The following LRMDA variants were observed in gnomAD, a reference collection of about 807,000 sequenced individuals.
The protein encoded by LRMDA is leucine-rich melanocyte differentiation-associated protein.
LRMDA carries 18 observed loss-of-function variants against 29.8 expected under a neutral mutation model. The ratio of observed to expected loss-of-function variants is 0.60; its 90% CI spans 0.42 to 0.90. The LOEUF (loss-of-function observed/expected upper bound fraction) is 0.90. Ranked by LOEUF, LRMDA falls within the 40% of genes least tolerant of loss-of-function variation. The pLI is 0.00. For missense variants in LRMDA, 273 were observed against 273.9 expected (o/e 1.00, Z 0.02); for synonymous variants, 125 against 109.4 (o/e 1.14, Z -0.89).
chr10:76,157,072 A>C (rs896387919), intron 5 of LRMDA, among the ~76,000 whole-genome samples: 5 of 152,202 alleles, frequency 3.3e-5, no homozygotes, highest in African/African-American at 1.2e-4. Context: ...TGTCATGATC[A>C]AGATCTGTTA....
chr10:76,176,881 A>G (rs16932965), intron 5 of LRMDA, among the ~76,000 whole-genome samples: 6,941 of 152,292 alleles, frequency 0.046, 188 homozygotes, highest in Middle Eastern at 0.088. Flanking sequence ...TGATGGTAAG[A>G]CACTTGTATC....
intron 2 of LRMDA, among the ~76,000 whole-genome samples, chr10:75,762,599 C>G (rs533500665): frequency 1.4e-4 from 21 of 152,310 alleles, no homozygotes; most frequent in Admixed American, 4.6e-4. Flanking sequence ...TTGGCTCCCC[C>G]ACTTAATGGC....
intron 2 of LRMDA, among the ~76,000 whole-genome samples, chr10:75,809,258 C>G (rs1843914553): frequency 6.6e-6 from 1 of 152,180 alleles, no homozygotes; most frequent in Admixed American, 6.5e-5. Context: ...GGTAATAACA[C>G]TAATGATAAT....
intron 5 of LRMDA, among the ~76,000 whole-genome samples, chr10:76,275,002 T>C (rs1314714525): frequency 6.6e-6 from 1 of 152,188 alleles, no homozygotes; most frequent in Non-Finnish European, 1.5e-5. Context: ...GTTCTTTGGA[T>C]GATAGCTCTC....
chr10:76,086,204 G>C (rs1849132490), intron 5 of LRMDA, among the ~76,000 whole-genome samples: 1 of 152,194 alleles, frequency 6.6e-6, no homozygotes, highest in South Asian at 2.1e-4. Flanking sequence ...TAAGTGGGGT[G>C]AGTTTAACTG....
intron 5 of LRMDA, chr10:76,270,880 A>G (rs915151676): frequency 1.3e-5 from 2 of 152,156 alleles, no homozygotes; most frequent in African/African-American, 4.8e-5. Context: ...CATGATATAC[A>G]CTTAAGAGCT....
intron 6 of LRMDA, among the ~76,000 whole-genome samples, chr10:76,329,503 GA>G (rs1164834627): frequency 2.6e-5 from 4 of 151,868 alleles, no homozygotes; most frequent in African/African-American, 7.2e-5. Context: ...AAAGCAAAAA[GA>G]AAAAAAATGA....
chr10:76,272,436 T>C (rs1003656980), intron 5 of LRMDA, among the ~76,000 whole-genome samples: 1 of 152,212 alleles, frequency 6.6e-6, no homozygotes, highest in African/African-American at 2.4e-5. Context: ...ACCCAGGTTG[T>C]GTCAGATGTT....
chr10:76,466,871 C>A (rs955194778), intron 6 of LRMDA, among the ~76,000 whole-genome samples: 2 of 152,182 alleles, frequency 1.3e-5, no homozygotes, highest in Admixed American at 6.6e-5. Flanking sequence ...TGCTCTGCAG[C>A]CTTGCTTTTA....
At chr10:76,457,197 TTAATGC>T (rs570817113) in intron 6 of LRMDA, among the ~76,000 whole-genome samples, 42 of 152,352 alleles carry the variant, frequency 2.8e-4, no homozygotes, top group African/African-American at 9.1e-4. Context: ...TTTTCGAAGT[TTAATGC>T]TTTTCCATTT....
chr10:75,913,299 AG>A (rs1845870614), intron 2 of LRMDA, among the ~76,000 whole-genome samples: 1 of 152,168 alleles, frequency 6.6e-6, no homozygotes, highest in Non-Finnish European at 1.5e-5. Flanking sequence ...TCTACTAAAA[AG>A]ACAAAAATTA....
At chr10:75,494,515 C>CTTTTTT (rs34902194) in intron 2 of LRMDA, among the ~76,000 whole-genome samples, 4,835 of 102,090 alleles carry the variant, frequency 0.047, 10 homozygotes, top group Non-Finnish European at 0.06. Context: ...ATGTTTGTTC[C>CTTTTTT]TTTTTTTTTT....
intron 5 of LRMDA, among the ~76,000 whole-genome samples, chr10:76,184,686 G>C (rs1221957700): frequency 6.6e-6 from 1 of 152,172 alleles, no homozygotes; most frequent in East Asian, 1.9e-4. Flanking sequence ...TTCCCCAATT[G>C]CCAGAGCTCA....
chr10:76,425,307 C>G (rs1465684623), intron 6 of LRMDA, among the ~76,000 whole-genome samples: 3 of 151,986 alleles, frequency 2.0e-5, no homozygotes, highest in Admixed American at 2.0e-4. Context: ...GTTTGAGTTC[C>G]TAGAGTATTA....
intron 5 of LRMDA, among the ~76,000 whole-genome samples, chr10:76,133,060 A>G (rs937069043): frequency 7.4e-6 from 1 of 134,980 alleles, no homozygotes; most frequent in African/African-American, 2.9e-5. Flanking sequence ...TGACCTCGTG[A>G]TCCGCCCGCC....
At chr10:76,491,504 C>G (rs1350760437) in intron 6 of LRMDA, among the ~76,000 whole-genome samples, 1 of 152,004 alleles carries the variant, frequency 6.6e-6, no homozygotes, top group African/African-American at 2.4e-5. Flanking sequence ...TTATGCCACT[C>G]TTTCCTGACC....
chr10:75,501,146 A>C (rs926539410), intron 2 of LRMDA, among the ~76,000 whole-genome samples: 4 of 152,166 alleles, frequency 2.6e-5, no homozygotes, highest in Admixed American at 2.6e-4. Flanking sequence ...GTGTTGGGAT[A>C]CTGTTTTGTT....
intron 6 of LRMDA, among the ~76,000 whole-genome samples, chr10:76,542,957 C>T (rs751942337): frequency 3.3e-5 from 5 of 152,136 alleles, no homozygotes; most frequent in Non-Finnish European, 7.4e-5. Flanking sequence ...TGTGCTTAAC[C>T]CTCTAGGTGA....
intron 1 of LRMDA, among the ~76,000 whole-genome samples, chr10:75,434,126 CA>C (rs1336604017): frequency 1.3e-5 from 2 of 152,182 alleles, no homozygotes; most frequent in African/African-American, 2.4e-5. Context: ...TAGCTTATGA[CA>C]ACGTAATACG....
Sources: gnomAD v4.1 joint callset for allele counts (sites outside exome capture counted in the v4.1 genomes callset) on GRCh38, gnomAD v4.1.1 for gene constraint, MANE v1.5 for transcripts, NCBI Gene and HGNC (gene_info 2026-07-23, HGNC 2026-07-21) for gene names.